Variants in SRRM3 observed in about 807,000 individuals in gnomAD.
The protein encoded by SRRM3 is serine/arginine repetitive matrix 3, also known as serine/arginine repetitive matrix protein 3.
SRRM3 carries 27 observed loss-of-function variants against 66.2 expected under a neutral mutation model. The observed-to-expected ratio is 0.41, with a 90% CI of 0.30 to 0.56. The LOEUF is 0.56. SRRM3 is among the 20% of genes least tolerant of loss of function. The pLI is 0.32. For synonymous variants in SRRM3, 391 were observed against 414.9 expected (o/e 0.94, Z 0.70); for missense variants, 918 against 991.9 (o/e 0.93, Z 1.00).
chr7:76,260,518 C>G (rs1448792650), intron 5 of SRRM3, among the ~76,000 whole-genome samples: 10 of 147,466 alleles, frequency 6.8e-5, no homozygotes, highest in Admixed American at 6.7e-4. Flanking sequence ...ACCCGCCCCT[C>G]ATCGAGGTCC....
chr7:76,260,147 G>A lies in SRRM3; in HGVS notation c.495G>A (p.Ser165=). The A allele has an allele frequency of 2.0e-6, 3 of 1,526,800 alleles. No individual in the cohort carries two copies. The highest frequency in any genetic ancestry group is 2.6e-6 in the Non-Finnish European group (3 of 1,141,788). The allele number at this position is 1,526,800 out of a possible 1,614,324, so 94.6% of individuals were successfully genotyped here. The change falls in exon 5 of 15, where the codon TCG becomes TCA. Residue 165 remains serine (S), a synonymous_variant. Transcript: ENST00000611745. ...RTKHWSSSSA[S]PPPKKKKKKK... ...AGCATTGGTCTAGCAGCTCGGCATC[G>A]CCCCCTCCCAAGAAAAAGAAGAAAA...
At chr7:76,236,136 C>T (rs1273503293) in intron 2 of SRRM3, among the ~76,000 whole-genome samples, 1 of 150,482 alleles carries the variant, frequency 6.6e-6, no homozygotes, top group East Asian at 1.9e-4. Flanking sequence ...CATGGAGAAA[C>T]CCCGTCTTTA....
chr7:76,234,082 C>G (rs1801080086), intron 1 of SRRM3, among the ~76,000 whole-genome samples: 1 of 152,156 alleles, frequency 6.6e-6, no homozygotes, highest in Middle Eastern at 3.4e-3. Flanking sequence ...CCTCCCACCC[C>G]ACTCCCTGGG....
rs369532639 is a variant in SRRM3, at chr7:76,281,167, TTC to T, written c.1009-268_1009-267del. 5.6e-4 allele frequency among the ~76,000 whole-genome samples: 85 copies of T among 150,614 alleles called. 1 individual carries two copies. The East Asian group carries it at 7.7e-3, about 14-fold the overall frequency. ...TCCTCCCTCTCTCCCTCTTTCTTTC[TTC>T]TCTCTGTCTTTCCTCTCTCCCTCTC... is the stretch of plus-strand genomic sequence containing the variant. On this transcript the variant is annotated intron_variant, in intron 11 of 14. Coordinates refer to ENST00000611745, the MANE Select transcript of SRRM3 (RefSeq NM_001110199.3).
At chr7:76,241,928 T>A (rs568289504) in intron 2 of SRRM3, among the ~76,000 whole-genome samples, 1 of 152,338 alleles carries the variant, frequency 6.6e-6, no homozygotes, top group South Asian at 2.1e-4. Context: ...AGGTAACTTA[T>A]AAAGAAAATA....
chr7:76,246,055 C>A (rs985108456), intron 2 of SRRM3, among the ~76,000 whole-genome samples: 6 of 152,128 alleles, frequency 3.9e-5, no homozygotes, highest in Non-Finnish European at 7.3e-5. Flanking sequence ...CTCCCCCTCA[C>A]CATGTTCTCT....
chr7:76,213,980 T>A (rs1007096457), intron 1 of SRRM3, among the ~76,000 whole-genome samples: 5 of 152,110 alleles, frequency 3.3e-5, no homozygotes, highest in Non-Finnish European at 7.4e-5. Flanking sequence ...GGTCTCACCA[T>A]GTAGCCCAGG....
chr7:76,267,555 C>A (rs1325506824), intron 11 of SRRM3, 120 bp downstream of exon 11: 1 of 742,252 alleles, frequency 1.3e-6, no homozygotes, highest in African/African-American at 1.9e-5. Context: ...GCGGGGGCGG[C>A]CGCTTCCTCC....
intron 1 of SRRM3, among the ~76,000 whole-genome samples, chr7:76,220,989 A>G (rs558909443): frequency 2.6e-5 from 4 of 151,598 alleles, no homozygotes; most frequent in Admixed American, 2.6e-4. Flanking sequence ...GAGGAAGCTC[A>G]CTGGGCTCTG....
chr7:76,278,081 G>C (rs1802402536), intron 11 of SRRM3, among the ~76,000 whole-genome samples: 1 of 152,174 alleles, frequency 6.6e-6, no homozygotes, highest in Non-Finnish European at 1.5e-5. Flanking sequence ...GGTGGGCTGG[G>C]GGCGCTTGAA....
At chr7:76,237,069 C>T (rs1801170852) in intron 2 of SRRM3, among the ~76,000 whole-genome samples, 1 of 152,098 alleles carries the variant, frequency 6.6e-6, no homozygotes, top group Non-Finnish European at 1.5e-5. Context: ...AGATCGAGAC[C>T]AGCCTTGCCA....
At chr7:76,224,292 C>T (rs1361630211) in intron 1 of SRRM3, among the ~76,000 whole-genome samples, 1 of 150,312 alleles carries the variant, frequency 6.7e-6, no homozygotes, top group African/African-American at 2.5e-5. Context: ...GTTGCCCAGG[C>T]TGGTCTCAAA....
chr7:76,284,434 T>TC (rs1297613373), intron 14 of SRRM3, among the ~76,000 whole-genome samples: 1 of 152,198 alleles, frequency 6.6e-6, no homozygotes, highest in African/African-American at 2.4e-5. Context: ...TGCCTTGGCC[T>TC]CCCAAAGTGG....
intron 11 of SRRM3, among the ~76,000 whole-genome samples, chr7:76,281,087 TCTCA>T (rs1259085455): frequency 1.3e-5 from 2 of 149,052 alleles, no homozygotes; most frequent in African/African-American, 2.5e-5. Flanking sequence ...TCTCTCTCCC[TCTCA>T]CTCTGTCTCT....
rs1214107364 is a variant in SRRM3 at position 76,282,846 on chromosome 7, G to A, written c.1569G>A (p.Ser523=). ...AEKRPHSPSR[S]PSPKKPLSRD... is the part of the protein sequence containing the mutation. ...AGCGGCCCCACAGCCCCAGCCGCTC[G>A]CCGTCGCCCAAGAAGCCCCTCAGCC... Residue 523 remains serine, a synonymous_variant, in exon 13 of 15, where the codon TCG becomes TCA. Transcript: ENST00000611745. The A allele has an allele frequency of 1.4e-6, 2 of 1,453,712 alleles. No homozygotes were observed. The highest frequency in any genetic ancestry group is 1.5e-5 in the African/African-American group (1 of 67,804). The allele number at this position is 1,453,712 out of a possible 1,614,324, so 90.1% of individuals were successfully genotyped here.
intron 14 of SRRM3, among the ~76,000 whole-genome samples, chr7:76,283,342 A>G (rs1334687525): frequency 1.3e-5 from 2 of 151,220 alleles, no homozygotes; most frequent in Non-Finnish European, 3.0e-5. Context: ...ACGCAGAAGG[A>G]AGGGCCACGG....
chr7:76,253,385 G>A (rs1554607187), intron 3 of SRRM3, among the ~76,000 whole-genome samples: 1 of 151,968 alleles, frequency 6.6e-6, no homozygotes, highest in East Asian at 1.9e-4. Context: ...ACTTTGGGAG[G>A]CTGAGGCAGG....
At chr7:76,209,148 G>C (rs1169616285) in intron 1 of SRRM3, among the ~76,000 whole-genome samples, 2 of 152,192 alleles carry the variant, frequency 1.3e-5, no homozygotes, top group Non-Finnish European at 2.9e-5. Context: ...CTGCTAGGTG[G>C]AGGTCACCCT....
At chr7:76,271,837 T>C (rs2117088895) in intron 11 of SRRM3, among the ~76,000 whole-genome samples, 1 of 152,272 alleles carries the variant, frequency 6.6e-6, no homozygotes, top group Non-Finnish European at 1.5e-5. Context: ...GAAATCAGCT[T>C]CCTGCTCTCT....
Sources: allele counts gnomAD v4.1 joint callset (sites outside exome capture counted in the v4.1 genomes callset), GRCh38; gene constraint gnomAD v4.1.1; transcripts MANE v1.5; gene names NCBI Gene and HGNC (gene_info 2026-07-23, HGNC 2026-07-21).